The following GHR variants were observed in gnomAD, a reference collection of about 807,000 sequenced individuals.
GHR encodes growth hormone receptor.
Under a neutral mutation model 67.1 loss-of-function variants are expected in GHR, and 35 were observed. The ratio of observed to expected loss-of-function variants is 0.52; its 90% CI spans 0.40 to 0.69. GHR has a LOEUF of 0.69. Ranked by LOEUF, GHR falls within the 30% of genes least tolerant of loss-of-function variation. GHR has a pLI of 0.00. For missense variants in GHR, 792 were observed against 764.6 expected, an observed-to-expected ratio of 1.04 and a Z score of -0.42; for synonymous variants, 272 against 269.1, an observed-to-expected ratio of 1.01 and a Z score of -0.10.
intron 1 of GHR, among the ~76,000 whole-genome samples, chr5:42,436,056 C>T (rs1212878256): frequency 2.0e-5 from 3 of 152,102 alleles, no homozygotes; most frequent in South Asian, 2.1e-4. Context: ...AATGTGTGCC[C>T]TGAACATTGG....
chr5:42,718,874 C>A lies in GHR; in HGVS notation c.1367C>A (p.Pro456Gln). Reference sequence around the variant, plus strand: ...GTTATCCAAGCAGAGAAAAACAAACCACAACCACTTCCTACTGAAGGAGCT... The same window carrying A: ...GTTATCCAAGCAGAGAAAAACAAACAACAACCACTTCCTACTGAAGGAGCT... ...PSVIQAEKNK[P>Q]QPLPTEGAES... Residue 456 changes from proline to glutamine, a missense_variant, in exon 10 of 10, where the codon CCA becomes CAA. Pro to Gln is a moderately conservative substitution (Grantham distance 76, BLOSUM62 -1). Transcript: ENST00000230882. 1 of 1,614,086 alleles carries A rather than the reference C, an allele frequency of 6.2e-7. No homozygotes were observed. Among genetic ancestry groups the A allele is most frequent in the African/African-American group, 1.3e-5 (1 of 75,020 alleles).
At chr5:42,511,581 G>GT in intron 1 of GHR, among the ~76,000 whole-genome samples, 1 of 152,048 alleles carries the variant, frequency 6.6e-6, no homozygotes, top group East Asian at 1.9e-4. Flanking sequence ...TCTGTTTTTT[G>GT]TTTTTTGTTT....
intron 1 of GHR, among the ~76,000 whole-genome samples, chr5:42,531,884 A>C (rs1348176416): frequency 1.3e-5 from 2 of 152,102 alleles, no homozygotes; most frequent in African/African-American, 4.8e-5. Context: ...GAGATTGAGA[A>C]CCATCTGTTA....
intron 2 of GHR, among the ~76,000 whole-genome samples, chr5:42,628,025 C>T (rs1387348792): frequency 6.6e-6 from 1 of 152,098 alleles, no homozygotes; most frequent in Non-Finnish European, 1.5e-5. Context: ...CCTCTGAAGT[C>T]GGGCAGCCCA....
At chr5:42,467,794 C>T (rs1744802505) in intron 1 of GHR, 1 of 1,476,536 alleles carries the variant, frequency 6.8e-7, no homozygotes, top group Non-Finnish European at 9.4e-7. Flanking sequence ...CCCACACATG[C>T]TACAATGTAA....
At chr5:42,467,257 A>C in intron 1 of GHR, 1 of 1,339,078 alleles carries the variant, frequency 7.5e-7, no homozygotes, top group Non-Finnish European at 1.1e-6. Context: ...GTACATAATA[A>C]GGTGTGAAAA....
At chr5:42,567,600 T>C (rs1167222358) in intron 2 of GHR, among the ~76,000 whole-genome samples, 1 of 151,826 alleles carries the variant, frequency 6.6e-6, no homozygotes, top group Non-Finnish European at 1.5e-5. Context: ...CATTTTTGTC[T>C]CTTTTTTTTT....
At chr5:42,452,876 C>T (rs997643415) in intron 1 of GHR, among the ~76,000 whole-genome samples, 2 of 152,098 alleles carry the variant, frequency 1.3e-5, no homozygotes, top group African/African-American at 4.8e-5. Context: ...AATTGACCTT[C>T]TGAATTCTTT....
At chr5:42,547,477 T>G (rs528303723) in intron 1 of GHR, among the ~76,000 whole-genome samples, 23 of 137,032 alleles carry the variant, frequency 1.7e-4, no homozygotes, top group Non-Finnish European at 2.2e-4. Flanking sequence ...AGAAAGCTGG[T>G]TTTTTTTTTA....
intron 1 of GHR, among the ~76,000 whole-genome samples, chr5:42,512,281 A>C (rs139970073): frequency 1.2e-3 from 188 of 152,276 alleles, no homozygotes; most frequent in African/African-American, 4.1e-3. Flanking sequence ...GGGGGGATCC[A>C]GGAATCCACA....
intron 3 of GHR, chr5:42,659,225 A>G (rs547139223): frequency 1.2e-4 from 19 of 152,342 alleles, no homozygotes; most frequent in Admixed American, 1.1e-3. Context: ...AGCTTAGAGA[A>G]CTTATGTAAC....
Position 42,456,242 on chromosome 5 carries a change from C to T in GHR, c.-12+32287C>T, listed in dbSNP as rs555169066. Among the ~76,000 whole-genome samples the T allele has an allele frequency of 1.1e-4, 16 of 152,244 alleles. No homozygotes were observed. In the Middle Eastern group the frequency reaches 0.01, roughly 97 times the overall value. On this transcript the variant is annotated intron_variant, in intron 1 of 9. Transcript: ENST00000230882. ...AGGAGAATCGCTTGAACCTGGGAGGCGGAGGTGGCAGTGAGCCGAGATCGT... is the reference window on the plus strand; with the variant it reads ...AGGAGAATCGCTTGAACCTGGGAGGTGGAGGTGGCAGTGAGCCGAGATCGT...
At chr5:42,441,014 A>G (rs1743542253) in intron 1 of GHR, among the ~76,000 whole-genome samples, 1 of 152,206 alleles carries the variant, frequency 6.6e-6, no homozygotes, top group Non-Finnish European at 1.5e-5. Flanking sequence ...TGCAGTCTTG[A>G]GTCCTGGATC....
At chr5:42,690,113 A>G (rs1409318196) in intron 4 of GHR, among the ~76,000 whole-genome samples, 1 of 152,238 alleles carries the variant, frequency 6.6e-6, no homozygotes, top group East Asian at 1.9e-4. Flanking sequence ...GAGAAGGCCT[A>G]AGCCAAGATG....
chr5:42,640,135 G>A (rs543556385), intron 3 of GHR, among the ~76,000 whole-genome samples: 1 of 152,268 alleles, frequency 6.6e-6, no homozygotes, highest in East Asian at 1.9e-4. Context: ...CAAACAAGAA[G>A]GTCCTGCAAA....
At chr5:42,491,377 T>C (rs942705626) in intron 1 of GHR, among the ~76,000 whole-genome samples, 1 of 152,204 alleles carries the variant, frequency 6.6e-6, no homozygotes, top group African/African-American at 2.4e-5. Context: ...AGAGCTTACT[T>C]TCACTACAGA....
At chr5:42,533,017 T>C (rs918818982) in intron 1 of GHR, among the ~76,000 whole-genome samples, 5 of 152,180 alleles carry the variant, frequency 3.3e-5, no homozygotes, top group African/African-American at 9.6e-5. Flanking sequence ...GCCAAATTGC[T>C]CTGCAAAGTA....
At chr5:42,547,873 A>G (rs1748809020) in intron 1 of GHR, among the ~76,000 whole-genome samples, 2 of 152,194 alleles carry the variant, frequency 1.3e-5, no homozygotes, top group South Asian at 2.1e-4. Context: ...ACAATGTGCT[A>G]TCTTCTGGGC....
chr5:42,483,973 A>C (rs1745769999), intron 1 of GHR, among the ~76,000 whole-genome samples: 1 of 152,040 alleles, frequency 6.6e-6, no homozygotes, highest in Non-Finnish European at 1.5e-5. Context: ...GTCTCTGTGC[A>C]GAGAGAGTAC....
Sources: gnomAD v4.1 joint callset for allele counts (sites outside exome capture counted in the v4.1 genomes callset) on GRCh38, gnomAD v4.1.1 for gene constraint, MANE v1.5 for transcripts, NCBI Gene and HGNC (gene_info 2026-07-23, HGNC 2026-07-21) for gene names.